The following LCA5 variants were observed in gnomAD, a reference collection of about 807,000 sequenced individuals.
The protein encoded by LCA5 is lebercilin.
LCA5 carries 37 observed loss-of-function variants against 53.0 expected under a neutral mutation model. That is an observed-to-expected ratio of 0.70 (90% CI 0.54 to 0.92). The LOEUF (loss-of-function observed/expected upper bound fraction) is 0.92, where lower values mean the gene tolerates loss of function less well. Ranked by LOEUF, LCA5 falls within the 40% of genes least tolerant of loss-of-function variation. The pLI is 0.00. For synonymous variants in LCA5, 303 were observed against 282.9 expected (o/e 1.07, Z -0.71); for missense variants, 806 against 790.5 (o/e 1.02, Z -0.23).
intron 6 of LCA5, among the ~76,000 whole-genome samples, chr6:79,490,743 T>C (rs1247671665): frequency 3.9e-5 from 6 of 152,108 alleles, no homozygotes; most frequent in Admixed American, 2.6e-4. Context: ...TTCTGTTTTA[T>C]ACCTCAAGAA....
chr6:79,512,067 C>T (rs766731364), intron 3 of LCA5, among the ~76,000 whole-genome samples: 4 of 152,082 alleles, frequency 2.6e-5, no homozygotes, highest in Non-Finnish European at 4.4e-5. Context: ...TATTAATTAG[C>T]ATTCTGTGCG....
chr6:79,514,763 A>G (rs1240995772), intron 2 of LCA5, among the ~76,000 whole-genome samples: 3 of 152,176 alleles, frequency 2.0e-5, no homozygotes, highest in Non-Finnish European at 4.4e-5. Context: ...ACGCAGGAAC[A>G]GAAAACCAGT....
At chr6:79,506,291 C>T (rs1562102682) in intron 3 of LCA5, among the ~76,000 whole-genome samples, 1 of 152,040 alleles carries the variant, frequency 6.6e-6, no homozygotes, top group South Asian at 2.1e-4. Context: ...TAAATGTGTA[C>T]CCTACAGTTT....
intron 5 of LCA5, 88 bp downstream of exon 5, chr6:79,492,463 C>A: frequency 1.6e-6 from 1 of 610,598 alleles, no homozygotes; most frequent in Non-Finnish European, 2.9e-6. Context: ...CAATGAGGTT[C>A]TTTTCCTTCC....
chr6:79,512,167 T>A (rs1195661043), intron 3 of LCA5, among the ~76,000 whole-genome samples: 3 of 152,198 alleles, frequency 2.0e-5, no homozygotes, highest in African/African-American at 7.2e-5. Flanking sequence ...TTACGGTAAC[T>A]GTTCTGAGTC....
At chr6:79,502,694 T>C (rs751884233) in intron 3 of LCA5, among the ~76,000 whole-genome samples, 2 of 152,122 alleles carry the variant, frequency 1.3e-5, no homozygotes, top group Non-Finnish European at 2.9e-5. Flanking sequence ...CCTGCTGTCA[T>C]TTAAAACTAT....
chr6:79,510,566 A>G (rs1313582270), intron 3 of LCA5, among the ~76,000 whole-genome samples: 4 of 152,196 alleles, frequency 2.6e-5, no homozygotes, highest in Admixed American at 1.3e-4. Flanking sequence ...AGCACAATCC[A>G]TAAGAGATGT....
chr6:79,537,553 G>A (rs1767190679), upstream of LCA5: 1 of 152,280 alleles, frequency 6.6e-6, no homozygotes, highest in Non-Finnish European at 1.5e-5. Flanking sequence ...GAGTGCGGGA[G>A]AAGGTCTCCA....
At chr6:79,497,536 T>A (rs754636151) in intron 3 of LCA5, among the ~76,000 whole-genome samples, 3 of 152,184 alleles carry the variant, frequency 2.0e-5, no homozygotes, top group Non-Finnish European at 4.4e-5. Context: ...GGTATGGAGC[T>A]GTATGCTTCA....
intron 1 of LCA5, among the ~76,000 whole-genome samples, chr6:79,534,568 G>A (rs1051498839): frequency 1.3e-5 from 2 of 152,044 alleles, no homozygotes; most frequent in African/African-American, 2.4e-5. Context: ...AAAATAATGC[G>A]ACAGTCTATA....
chr6:79,521,723 T>C (rs1451274797), intron 1 of LCA5, among the ~76,000 whole-genome samples: 1 of 152,204 alleles, frequency 6.6e-6, no homozygotes, highest in Non-Finnish European at 1.5e-5. Flanking sequence ...GGAACATTCC[T>C]AGAACCCAGA....
chr6:79,519,649 C>T (rs1169029587), intron 1 of LCA5, among the ~76,000 whole-genome samples: 2 of 147,112 alleles, frequency 1.4e-5, no homozygotes, highest in Admixed American at 1.4e-4. Flanking sequence ...CCCAGGAGGC[C>T]GAGGTTGCAG....
intron 1 of LCA5, among the ~76,000 whole-genome samples, chr6:79,530,601 T>G (rs1766930431): frequency 6.6e-6 from 1 of 152,196 alleles, no homozygotes; most frequent in African/African-American, 2.4e-5. Flanking sequence ...ATAAGGTGGG[T>G]TTTTCTAACC....
chr6:79,501,105 T>C (rs1198597261), intron 3 of LCA5, among the ~76,000 whole-genome samples: 1 of 152,136 alleles, frequency 6.6e-6, no homozygotes, highest in African/African-American at 2.4e-5. Flanking sequence ...TAACTTCAAT[T>C]ACTTTTAACC....
At chr6:79,495,136 T>C (rs1769945087) in intron 3 of LCA5, among the ~76,000 whole-genome samples, 1 of 152,188 alleles carries the variant, frequency 6.6e-6, no homozygotes, top group African/African-American at 2.4e-5. Flanking sequence ...TAGATTATCA[T>C]AGGAGTACAA....
chr6:79,488,871 C>A, intron 7 of LCA5: 2 of 590,076 alleles, frequency 3.4e-6, no homozygotes, highest in Non-Finnish European at 5.9e-6. Flanking sequence ...CCCTAAATAG[C>A]AAATGACTTA....
chr6:79,489,176 C>T lies in LCA5; in HGVS notation c.1139G>A (p.Gly380Glu). 6.2e-7 allele frequency: 1 copy of T among 1,612,510 alleles called. No homozygotes were observed. The highest frequency in any genetic ancestry group is 2.2e-5 in the East Asian group (1 of 44,850). Residue 380 changes from glycine (G) to glutamate (E), a missense_variant, in exon 7 of 8, where the codon GGG (glycine) becomes GAG (glutamate). Coordinates refer to ENST00000369846, the MANE Select transcript of LCA5 (RefSeq NM_001122769.3). ...SQKQDRHGEAGILNPIMEREE... is the reference protein window; with the variant it reads ...SQKQDRHGEAEILNPIMEREE... ...TCTTTCCATAATTGGGTTTAGAATCCCTGCTTCTCCATGCCTGTCTTGCTT... is the reference window on the plus strand; with the variant it reads ...TCTTTCCATAATTGGGTTTAGAATCTCTGCTTCTCCATGCCTGTCTTGCTT...
chr6:79,535,734 T>C (rs956502818), intron 1 of LCA5, among the ~76,000 whole-genome samples: 6 of 151,894 alleles, frequency 4.0e-5, no homozygotes, highest in African/African-American at 1.5e-4. Context: ...AAATAAAAAA[T>C]TGGGAGAGTG....
intron 1 of LCA5, among the ~76,000 whole-genome samples, chr6:79,519,754 C>T (rs1486740907): frequency 6.7e-6 from 1 of 150,154 alleles, no homozygotes; most frequent in Non-Finnish European, 1.5e-5. Flanking sequence ...TAAAAATATC[C>T]AAGATTGACC....
Sources: allele counts gnomAD v4.1 joint callset (sites outside exome capture counted in the v4.1 genomes callset), GRCh38; gene constraint gnomAD v4.1.1; transcripts MANE v1.5; gene names NCBI Gene and HGNC (gene_info 2026-07-23, HGNC 2026-07-21).